The following PARD3 variants were observed in gnomAD, a reference collection of about 807,000 sequenced individuals.
PARD3 encodes the protein par-3 family cell polarity regulator.
Under a neutral mutation model 155.4 loss-of-function variants are expected in PARD3, and 75 were observed. The ratio of observed to expected loss-of-function variants is 0.48; its 90% CI spans 0.40 to 0.58. The LOEUF is 0.58. PARD3 is among the 20% of genes least tolerant of loss of function. PARD3 has a pLI of 0.00. For synonymous variants in PARD3, 576 were observed against 610.5 expected (o/e 0.94, Z 0.83); for missense variants, 1,642 against 1,721.7 (o/e 0.95, Z 0.82).
At chr10:34,706,799 A>C (rs2094369635) in intron 1 of PARD3, among the ~76,000 whole-genome samples, 1 of 151,820 alleles carries the variant, frequency 6.6e-6, no homozygotes, top group South Asian at 2.1e-4. Context: ...TAAAAAGACG[A>C]GATCCATAAA....
At chr10:34,359,980 T>G (rs556666685) in intron 13 of PARD3, 91 bp downstream of exon 13, 2 of 937,398 alleles carry the variant, frequency 2.1e-6, no homozygotes, top group Admixed American at 4.3e-5. Context: ...ATGAGAAAAC[T>G]TCTGTTAACT....
intron 1 of PARD3, among the ~76,000 whole-genome samples, chr10:34,731,519 A>G (rs1451199938): frequency 2.6e-5 from 4 of 152,256 alleles, no homozygotes; most frequent in African/African-American, 9.6e-5. Context: ...CATGTCCTAT[A>G]AAGTTTCTCA....
chr10:34,755,354 G>A (rs1201513158), intron 1 of PARD3, among the ~76,000 whole-genome samples: 3 of 152,076 alleles, frequency 2.0e-5, no homozygotes, highest in Non-Finnish European at 4.4e-5. Context: ...AGAGGTTGCA[G>A]TGAGCTGAGA....
intron 20 of PARD3, among the ~76,000 whole-genome samples, chr10:34,294,119 A>C (rs1490922870): frequency 1.3e-5 from 2 of 152,222 alleles, no homozygotes; most frequent in Admixed American, 6.5e-5. Context: ...TAACAAAGAT[A>C]ATAATTCGGG....
rs145197127 is a variant in PARD3, at chr10:34,451,951, T to C, written c.583-1503A>G. Among the ~76,000 whole-genome samples the C allele has an allele frequency of 7.6e-3, 1,156 of 152,068 alleles. 15 individuals carry two copies. The highest frequency in any genetic ancestry group is 0.025 in the African/African-American group (1,054 of 41,506). ...TTTCATATGATAGTCCATAGATACA[T>C]TGATAAGCTTATTCTGATAAGACTT... is the stretch of plus-strand genomic sequence containing the variant. On this transcript the variant is annotated intron_variant, in intron 4 of 24. Transcript: ENST00000374788.
At chr10:34,365,959 C>T (rs1036502617) in intron 12 of PARD3, among the ~76,000 whole-genome samples, 1 of 152,160 alleles carries the variant, frequency 6.6e-6, no homozygotes, top group Non-Finnish European at 1.5e-5. Flanking sequence ...TGAAAAAATA[C>T]ATTAAAATGA....
intron 16 of PARD3, among the ~76,000 whole-genome samples, chr10:34,340,882 C>T (rs1225108199): frequency 6.6e-6 from 1 of 152,068 alleles, no homozygotes; most frequent in Non-Finnish European, 1.5e-5. Flanking sequence ...TAAAAGACCC[C>T]AGAGAAAGGG....
chr10:34,516,900 AG>A (rs2081807684), intron 3 of PARD3, 78 bp downstream of exon 3: 3 of 1,292,066 alleles, frequency 2.3e-6, no homozygotes, highest in Admixed American at 2.1e-5. Flanking sequence ...TTCCATTTAC[AG>A]GGTCATGGAT....
At chr10:34,534,472 G>C (rs2083080916) in intron 2 of PARD3, among the ~76,000 whole-genome samples, 1 of 152,144 alleles carries the variant, frequency 6.6e-6, no homozygotes, top group Non-Finnish European at 1.5e-5. Context: ...TCACTGACTA[G>C]TGGGTGACAT....
rs142569722 is a variant in PARD3, at chr10:34,694,955, G to A, written c.222+1363C>T. On this transcript the variant is annotated intron_variant, in intron 2 of 24. Transcript: ENST00000374788. Reference sequence around the variant, plus strand: ...CAGCTGAGGGAAAGAAGAGCAGGCCGGTGGGGAGAGGGCCAGGAATGAGAA... The same window carrying A: ...CAGCTGAGGGAAAGAAGAGCAGGCCAGTGGGGAGAGGGCCAGGAATGAGAA... Among the ~76,000 whole-genome samples the A allele has an allele frequency of 3.2e-3, 489 of 152,256 alleles. 9 individuals carry two copies. The East Asian group carries it at 0.073, about 23-fold the overall frequency.
intron 3 of PARD3, among the ~76,000 whole-genome samples, chr10:34,511,547 C>T (rs1438067491): frequency 1.3e-5 from 2 of 152,174 alleles, no homozygotes; most frequent in African/African-American, 2.4e-5. Context: ...AGCATCCTCA[C>T]ATGACAAAGC....
intron 15 of PARD3, chr10:34,343,951 G>A: frequency 3.1e-6 from 3 of 981,432 alleles, no homozygotes; most frequent in Non-Finnish European, 3.6e-6. Flanking sequence ...GGAAAACTGT[G>A]CCAGTGACAT....
At chr10:34,382,120 T>C (rs940630468) in intron 9 of PARD3, among the ~76,000 whole-genome samples, 2 of 150,920 alleles carry the variant, frequency 1.3e-5, no homozygotes, top group Admixed American at 1.3e-4. Context: ...TGACGTGCAC[T>C]ACCTCTAAAG....
At chr10:34,599,307 T>A (rs1590171395) in intron 2 of PARD3, among the ~76,000 whole-genome samples, 1 of 152,146 alleles carries the variant, frequency 6.6e-6, no homozygotes, top group Admixed American at 6.6e-5. Context: ...TAGCTAACCC[T>A]CACTTCAGCC....
intron 5 of PARD3, among the ~76,000 whole-genome samples, chr10:34,402,594 C>T (rs1844010801): frequency 6.6e-6 from 1 of 152,128 alleles, no homozygotes; most frequent in African/African-American, 2.4e-5. Context: ...CATGAAGGAC[C>T]AAACAAAAGG....
At chr10:34,273,551 T>C (rs1171370230) in intron 21 of PARD3, among the ~76,000 whole-genome samples, 3 of 152,196 alleles carry the variant, frequency 2.0e-5, no homozygotes, top group African/African-American at 7.2e-5. Flanking sequence ...TACACTAATG[T>C]GCACAGGTGA....
intron 1 of PARD3, among the ~76,000 whole-genome samples, chr10:34,741,107 A>C (rs144531176): frequency 6.6e-6 from 1 of 152,274 alleles, no homozygotes; most frequent in African/African-American, 2.4e-5. Flanking sequence ...ACATCTCTAA[A>C]GGCAGTAAAA....
chr10:34,720,213 G>A (rs552509955), intron 1 of PARD3, among the ~76,000 whole-genome samples: 14 of 152,238 alleles, frequency 9.2e-5, no homozygotes, highest in African/African-American at 3.4e-4. Flanking sequence ...CAGGTGGATC[G>A]CCTGAGTGTC....
At chr10:34,668,699 A>G (rs1359761557) in intron 2 of PARD3, among the ~76,000 whole-genome samples, 1 of 152,226 alleles carries the variant, frequency 6.6e-6, no homozygotes, top group Non-Finnish European at 1.5e-5. Context: ...TTGGCCAGGC[A>G]CAGTGGCTCA....
Sources: gnomAD v4.1 joint callset for allele counts (sites outside exome capture counted in the v4.1 genomes callset) on GRCh38, gnomAD v4.1.1 for gene constraint, MANE v1.5 for transcripts, NCBI Gene and HGNC (gene_info 2026-07-23, HGNC 2026-07-21) for gene names.